Variants in TDRP observed in about 807,000 individuals in gnomAD.
The protein encoded by TDRP is testis development related protein, also known as testis development-related protein.
TDRP carries 12 observed loss-of-function variants against 10.5 expected under a neutral mutation model. That is an observed-to-expected ratio of 1.15 (90% CI 0.73 to 1.86). The LOEUF (loss-of-function observed/expected upper bound fraction) is 1.86, where lower values mean the gene tolerates loss of function less well. Ranked by LOEUF, TDRP falls within the 40% of genes most tolerant of loss-of-function variation. TDRP has a pLI of 0.00. For missense variants in TDRP, 353 were observed against 229.2 expected (o/e 1.54, Z -3.49); for synonymous variants, 139 against 95.4 (o/e 1.46, Z -2.67).
At chr8:536,044 G>C (rs888963174) in intron 1 of TDRP, among the ~76,000 whole-genome samples, 1 of 152,196 alleles carries the variant, frequency 6.6e-6, no homozygotes, top group Non-Finnish European at 1.5e-5. Flanking sequence ...ATCAGTAAAA[G>C]TACACCTTAT....
intron 1 of TDRP, among the ~76,000 whole-genome samples, chr8:521,395 C>A (rs551312162): frequency 1.0e-5 from 1 of 99,118 alleles, no homozygotes; most frequent in East Asian, 2.7e-4. Context: ...CCAGCCTGGG[C>A]AAGAGAGAGA....
rs142108103 is a variant in TDRP at position 523,855 on chromosome 8, C to A, written c.108+20795G>T. ...TCCTGGACAGCATCCCTAGATACAT[C>A]CAGGGACCAGGGGGAACTCATTGTC... is the stretch of plus-strand genomic sequence containing the variant. On this transcript the variant is annotated intron_variant, in intron 1 of 2. Coordinates refer to ENST00000324079, the MANE Select transcript of TDRP (RefSeq NM_001384899.1). Among the ~76,000 whole-genome samples, 566 of 152,284 alleles carry A rather than the reference C, an allele frequency of 3.7e-3. 5 individuals are homozygous for A. The highest frequency in any genetic ancestry group is 0.013 in the African/African-American group (542 of 41,546).
intron 1 of TDRP, among the ~76,000 whole-genome samples, chr8:521,232 C>G (rs952645381): frequency 8.5e-6 from 1 of 118,032 alleles, no homozygotes; most frequent in African/African-American, 3.5e-5. Flanking sequence ...CAAACCCCGT[C>G]TCTACTAAAA....
At chr8:493,833 G>A (rs1290420562) in intron 2 of TDRP, among the ~76,000 whole-genome samples, 1 of 151,910 alleles carries the variant, frequency 6.6e-6, no homozygotes, top group Admixed American at 6.6e-5. Context: ...AATCTTAAGT[G>A]AGGCTACAGG....
intron 1 of TDRP, among the ~76,000 whole-genome samples, chr8:511,521 G>A (rs1459539401): frequency 6.6e-6 from 1 of 152,134 alleles, no homozygotes; most frequent in Non-Finnish European, 1.5e-5. Context: ...AATATTCACA[G>A]AGATTTCACC....
intron 1 of TDRP, among the ~76,000 whole-genome samples, chr8:517,370 CAAGGAGAGATTA>C (rs1801784708): frequency 6.6e-6 from 1 of 152,172 alleles, no homozygotes; most frequent in African/African-American, 2.4e-5. Context: ...TTTTCCTGAA[CAAGGAGAGATTA>C]AACGAAGCAT....
chr8:504,545 C>T (rs542043832), intron 1 of TDRP, among the ~76,000 whole-genome samples: 1 of 152,314 alleles, frequency 6.6e-6, no homozygotes, highest in East Asian at 1.9e-4. Flanking sequence ...AAGAGGCAGA[C>T]TCTGGGCTCT....
intron 1 of TDRP, among the ~76,000 whole-genome samples, chr8:517,840 G>A (rs562919013): frequency 8.1e-4 from 124 of 152,278 alleles, no homozygotes; most frequent in African/African-American, 3.0e-3. Flanking sequence ...ATCTTACTAA[G>A]TGAAAGAAGC....
chr8:514,604 C>T (rs1801705552), intron 1 of TDRP, among the ~76,000 whole-genome samples: 3 of 152,168 alleles, frequency 2.0e-5, no homozygotes, highest in Admixed American at 1.3e-4. Flanking sequence ...ACACGAGGAA[C>T]CATGTGGCCA....
In TDRP at chr8:491,462, G is replaced by A. The variant is rs181646868; in HGVS notation, c.*937C>T. 4.4e-4 allele frequency: 304 copies of A among 692,654 alleles called. 1 individual carries two copies. The African/African-American group carries it at 4.9e-3, about 11-fold the overall frequency. 42.9% of individuals were successfully genotyped at this position (692,654 alleles called of 1,614,324 possible). A position where few individuals can be genotyped will look rare whatever the true frequency, so the allele number is the denominator to read the frequency against. ...CGCGAGAGATGCTCTCAAACCGGTC[G>A]TCGATTATTCTTGTGGAAAAAACAC... On this transcript the variant is annotated 3_prime_UTR_variant, in exon 3 of 3. Coordinates refer to ENST00000324079, the MANE Select transcript of TDRP (RefSeq NM_001384899.1).
At chr8:533,623 C>A (rs1802267281) in intron 1 of TDRP, among the ~76,000 whole-genome samples, 1 of 152,194 alleles carries the variant, frequency 6.6e-6, no homozygotes, top group African/African-American at 2.4e-5. Context: ...TTGCAAAATA[C>A]AACCAAGGGG....
At chr8:531,307 G>A (rs1429846213) in intron 1 of TDRP, among the ~76,000 whole-genome samples, 1 of 152,134 alleles carries the variant, frequency 6.6e-6, no homozygotes, top group African/African-American at 2.4e-5. Flanking sequence ...GAGTCCGTGG[G>A]GGAACAAGGT....
chr8:526,956 A>G (rs539069337), intron 1 of TDRP, among the ~76,000 whole-genome samples: 4 of 152,236 alleles, frequency 2.6e-5, no homozygotes, highest in South Asian at 4.2e-4. Flanking sequence ...GGAAAAACCT[A>G]AAGACTCAAC....
At chr8:527,026 G>A (rs1037197567) in intron 1 of TDRP, among the ~76,000 whole-genome samples, 1 of 152,246 alleles carries the variant, frequency 6.6e-6, no homozygotes, top group South Asian at 2.1e-4. Context: ...AGGCTGAGAT[G>A]GGAGGATGGC....
At chr8:514,238 C>G (rs1345194) in intron 1 of TDRP, among the ~76,000 whole-genome samples, 79,338 of 152,064 alleles carry the variant, frequency 0.52, 20,862 homozygotes, top group Admixed American at 0.6. Context: ...CACATCAATG[C>G]AATCAGTGGC....
intron 1 of TDRP, among the ~76,000 whole-genome samples, chr8:497,903 G>C (rs1039360505): frequency 2.0e-5 from 3 of 152,206 alleles, no homozygotes; most frequent in African/African-American, 7.2e-5. Flanking sequence ...TGACTTCAGA[G>C]GGTGCAAAGC....
chr8:519,230 G>C (rs559826358), intron 1 of TDRP, among the ~76,000 whole-genome samples: 28 of 152,286 alleles, frequency 1.8e-4, no homozygotes, highest in African/African-American at 1.7e-4. Flanking sequence ...TGCATGTTGA[G>C]AGGGATGGAC....
intron 1 of TDRP, among the ~76,000 whole-genome samples, chr8:498,388 G>A (rs996534642): frequency 1.3e-5 from 2 of 152,188 alleles, no homozygotes; most frequent in African/African-American, 4.8e-5. Context: ...AGGATTTAAT[G>A]ACTGCCCTGC....
chr8:494,970 A>G, intron 1 of TDRP: 8 of 164,458 alleles, frequency 4.9e-5, no homozygotes, highest in Non-Finnish European at 1.1e-4. Context: ...GGTGGCGCAT[A>G]CCTGAAATCC....
Sources: allele counts gnomAD v4.1 joint callset (sites outside exome capture counted in the v4.1 genomes callset), GRCh38; gene constraint gnomAD v4.1.1; transcripts MANE v1.5; gene names NCBI Gene and HGNC (gene_info 2026-07-23, HGNC 2026-07-21).